Variants in AMPH observed in about 807,000 individuals in gnomAD.
AMPH encodes amphiphysin (Stiff-Mann syndrome with breast cancer 128kD autoantigen).
Under a neutral mutation model 99.1 loss-of-function variants are expected in AMPH, and 49 were observed. The ratio of observed to expected loss-of-function variants is 0.49; its 90% CI spans 0.39 to 0.63. AMPH has a LOEUF of 0.63. Among genes scored for constraint, AMPH ranks in the 20% least tolerant of loss-of-function variants. The pLI, the probability that AMPH is intolerant of heterozygous loss-of-function variation, is 0.00. For missense variants in AMPH, 759 were observed against 863.4 expected (o/e 0.88, Z 1.52); for synonymous variants, 314 against 317.3 (o/e 0.99, Z 0.11).
intron 16 of AMPH, among the ~76,000 whole-genome samples, chr7:38,420,473 C>T (rs1785542736): frequency 6.6e-6 from 1 of 152,176 alleles, no homozygotes; most frequent in Non-Finnish European, 1.5e-5. Context: ...CTATTGTTTG[C>T]TTCAGTAGCA....
At chr7:38,583,273 A>G (rs1290049426) in intron 1 of AMPH, among the ~76,000 whole-genome samples, 1 of 152,176 alleles carries the variant, frequency 6.6e-6, no homozygotes, top group Admixed American at 6.5e-5. Flanking sequence ...CATACTTGAC[A>G]CCTCTGAGAC....
At chr7:38,568,606 A>T (rs1344442108) in intron 1 of AMPH, among the ~76,000 whole-genome samples, 1 of 152,232 alleles carries the variant, frequency 6.6e-6, no homozygotes, top group African/African-American at 2.4e-5. Context: ...GGTTACTATG[A>T]CTATACTAAT....
intron 1 of AMPH, among the ~76,000 whole-genome samples, chr7:38,538,273 G>A (rs1790686960): frequency 6.6e-6 from 1 of 152,176 alleles, no homozygotes; most frequent in African/African-American, 2.4e-5. Flanking sequence ...ATTTTCCCTA[G>A]TGAAGAATGC....
At chr7:38,439,911 G>A (rs563172545) in intron 11 of AMPH, among the ~76,000 whole-genome samples, 2 of 152,252 alleles carry the variant, frequency 1.3e-5, no homozygotes, top group Admixed American at 6.5e-5. Flanking sequence ...CCACGGCTTC[G>A]TGATAGATGG....
chr7:38,619,805 A>G (rs1351783241), intron 1 of AMPH, among the ~76,000 whole-genome samples: 1 of 152,198 alleles, frequency 6.6e-6, no homozygotes, highest in Non-Finnish European at 1.5e-5. Flanking sequence ...AGTGGTCCCC[A>G]TGGTCACAAG....
intron 16 of AMPH, among the ~76,000 whole-genome samples, chr7:38,420,616 C>T (rs1785549387): frequency 1.3e-5 from 2 of 152,270 alleles, no homozygotes; most frequent in South Asian, 4.1e-4. Context: ...CCTTGCAGCA[C>T]CTTTTCTGGT....
At chr7:38,477,965 A>AC (rs1788147910) in intron 5 of AMPH, among the ~76,000 whole-genome samples, 1 of 152,134 alleles carries the variant, frequency 6.6e-6, no homozygotes, top group Non-Finnish European at 1.5e-5. Context: ...CAAGTAGTGG[A>AC]CTGCTCCAAC....
intron 1 of AMPH, among the ~76,000 whole-genome samples, chr7:38,564,431 G>T (rs1791657412): frequency 6.6e-6 from 1 of 152,206 alleles, no homozygotes; most frequent in Admixed American, 6.5e-5. Context: ...CCTGGACCTG[G>T]TAAGAGGGCT....
At chr7:38,433,377 A>G (rs145387460) in intron 12 of AMPH, among the ~76,000 whole-genome samples, 3 of 152,244 alleles carry the variant, frequency 2.0e-5, no homozygotes, top group Non-Finnish European at 2.9e-5. Flanking sequence ...GATCTAATAT[A>G]TGTTTTCTGA....
intron 2 of AMPH, among the ~76,000 whole-genome samples, chr7:38,513,699 G>C (rs993936639): frequency 2.2e-4 from 33 of 152,120 alleles, no homozygotes; most frequent in Admixed American, 1.6e-3. Flanking sequence ...TTGAGTCAAT[G>C]AAGAATCCTT....
At chr7:38,489,348 T>A (rs1263413761) in intron 5 of AMPH, among the ~76,000 whole-genome samples, 1 of 151,072 alleles carries the variant, frequency 6.6e-6, no homozygotes. Context: ...CAACTAAAAA[T>A]GGATTAAAGA....
At chr7:38,446,786 A>G (rs1224064021) in intron 11 of AMPH, among the ~76,000 whole-genome samples, 1 of 152,198 alleles carries the variant, frequency 6.6e-6, no homozygotes, top group Non-Finnish European at 1.5e-5. Context: ...TTGTAGATCA[A>G]TCACACATCA....
In AMPH at chr7:38,416,102, A is replaced by AATATATATATATATATATATATTT. The variant is rs1554332929; in HGVS notation, c.1398+1722_1398+1723insAAATATATATATATATATATATAT. On this transcript the variant is annotated intron_variant, in intron 17 of 20. Coordinates refer to ENST00000356264, the MANE Select transcript of AMPH (RefSeq NM_001635.4). ...AGTTTAAACAATGATCAAACATATG[A>AATATATATATATATATATATATTT]ATATATATATATATATATATATATT... Among the ~76,000 whole-genome samples, 5 of 100,486 alleles carry AATATATATATATATATATATATTT rather than the reference A, an allele frequency of 5.0e-5. 1 individual carries two copies. Among genetic ancestry groups the AATATATATATATATATATATATTT allele is most frequent in the African/African-American group, 1.8e-4 (5 of 27,814 alleles). The allele number at this position is 100,486 out of a possible 152,430, so 65.9% of individuals were successfully genotyped here. A position where few individuals can be genotyped will look rare whatever the true frequency, so the allele number is the denominator to read the frequency against.
At chr7:38,477,129 T>C (rs1400370317) in intron 5 of AMPH, among the ~76,000 whole-genome samples, 160 bp from the exon 6 acceptor site, 1 of 151,900 alleles carries the variant, frequency 6.6e-6, no homozygotes, top group Non-Finnish European at 1.5e-5. Flanking sequence ...CTCCTGAAAA[T>C]CAGATGAACA....
intron 1 of AMPH, among the ~76,000 whole-genome samples, chr7:38,591,018 T>C (rs1437702695): frequency 1.3e-5 from 2 of 152,218 alleles, no homozygotes; most frequent in Non-Finnish European, 2.9e-5. Flanking sequence ...CAGTATAGCC[T>C]TAAAAGTTCA....
intron 1 of AMPH, among the ~76,000 whole-genome samples, chr7:38,536,531 C>T (rs10280689): frequency 0.8 from 122,208 of 152,162 alleles, 49,811 homozygotes; most frequent in Non-Finnish European, 0.89. Flanking sequence ...AAAATAGTTG[C>T]TCATAAAATG....
intron 2 of AMPH, among the ~76,000 whole-genome samples, chr7:38,517,481 T>C (rs1376090887): frequency 6.6e-6 from 1 of 152,178 alleles, no homozygotes; most frequent in Non-Finnish European, 1.5e-5. Flanking sequence ...GTTTCCTGAG[T>C]GCCCCCCATC....
Position 38,436,264 on chromosome 7 carries a change from C to T in AMPH, c.1134+8G>A, listed in dbSNP as rs952245934. 2.1e-5 allele frequency: 33 copies of T among 1,608,100 alleles called. No individual in the cohort carries two copies. Among genetic ancestry groups the T allele is most frequent in the Non-Finnish European group, 2.6e-5 (30 of 1,174,654 alleles). On this transcript the variant is annotated splice_region_variant and intron_variant, in intron 12 of 20. Transcript: ENST00000356264. ...AATATCTCCAAACATCCAAAAAGCACCTGATACCTGAGACATGGGTGAGTG... is the reference window on the plus strand; with the variant it reads ...AATATCTCCAAACATCCAAAAAGCATCTGATACCTGAGACATGGGTGAGTG...
At chr7:38,467,474 A>ATTC (rs1318046257) in intron 7 of AMPH, among the ~76,000 whole-genome samples, 1 of 152,178 alleles carries the variant, frequency 6.6e-6, no homozygotes, top group Non-Finnish European at 1.5e-5. Context: ...TGGGACAGTA[A>ATTC]TTCTTAACAC....
Sources: allele counts gnomAD v4.1 joint callset (sites outside exome capture counted in the v4.1 genomes callset), GRCh38; gene constraint gnomAD v4.1.1; transcripts MANE v1.5; gene names NCBI Gene and HGNC (gene_info 2026-07-23, HGNC 2026-07-21).